UBAC2: variants seen among roughly 807,000 people sequenced by gnomAD.
UBAC2 encodes the protein ubiquitin-associated domain-containing protein 2.
Under a neutral mutation model 44.0 loss-of-function variants are expected in UBAC2, and 26 were observed. That is an observed-to-expected ratio of 0.59 (90% confidence interval 0.43 to 0.82). The LOEUF is 0.82. UBAC2 is among the 40% of genes least tolerant of loss of function. The pLI, the probability that UBAC2 is intolerant of heterozygous loss-of-function variation, is 0.00. For missense variants in UBAC2, 329 were observed against 419.4 expected, an observed-to-expected ratio of 0.78 and a Z score of 1.88; for synonymous variants, 155 against 154.3, an observed-to-expected ratio of 1.00 and a Z score of -0.04.
intron 4 of UBAC2, among the ~76,000 whole-genome samples, chr13:99,260,464 A>C (rs973422515): frequency 6.6e-6 from 1 of 152,192 alleles, no homozygotes; most frequent in African/African-American, 2.4e-5. Flanking sequence ...AGGCAGGGAC[A>C]CTTTGACCAG....
At chr13:99,264,042 A>G (rs917279261) in intron 4 of UBAC2, among the ~76,000 whole-genome samples, 4 of 152,202 alleles carry the variant, frequency 2.6e-5, no homozygotes, top group African/African-American at 9.7e-5. Context: ...TCTGTATGGC[A>G]GGATCCTGGA....
At chr13:99,294,832 G>A (rs1448042109) in intron 4 of UBAC2, 11 of 394,290 alleles carry the variant, frequency 2.8e-5, no homozygotes, top group South Asian at 5.0e-5. Flanking sequence ...TGGTGTATTC[G>A]TTTACAAATA....
chr13:99,215,273 A>G (rs2042978623), intron 1 of UBAC2: 1 of 694,488 alleles, frequency 1.4e-6, no homozygotes. Flanking sequence ...AAAAGACAAA[A>G]TTGTGTTTTT....
chr13:99,311,471 C>G (rs1566497150), intron 4 of UBAC2, among the ~76,000 whole-genome samples: 4 of 152,148 alleles, frequency 2.6e-5, no homozygotes. Context: ...CATACTTTTC[C>G]ATGAAAAGAA....
intron 7 of UBAC2, among the ~76,000 whole-genome samples, chr13:99,344,032 C>T (rs1024891532): frequency 5.3e-5 from 8 of 152,188 alleles, no homozygotes; most frequent in African/African-American, 1.7e-4. Context: ...AGCTTAGGTC[C>T]TGTCTCTCTT....
At chr13:99,280,537 G>C (rs1028852658) in intron 4 of UBAC2, among the ~76,000 whole-genome samples, 7 of 152,094 alleles carry the variant, frequency 4.6e-5, no homozygotes, top group Non-Finnish European at 8.8e-5. Context: ...AGTTAACTTT[G>C]TGCTTGTAAG....
chr13:99,249,587 C>T (rs2043432996), intron 4 of UBAC2, among the ~76,000 whole-genome samples: 1 of 152,108 alleles, frequency 6.6e-6, no homozygotes, highest in African/African-American at 2.4e-5. Context: ...GAATGGTAGT[C>T]CTGTTTTAAG....
intron 4 of UBAC2, among the ~76,000 whole-genome samples, chr13:99,297,731 A>G (rs1292775948): frequency 6.6e-6 from 1 of 152,162 alleles, no homozygotes; most frequent in African/African-American, 2.4e-5. Flanking sequence ...AGAAAACACA[A>G]GAGGGTAGGG....
chr13:99,332,720 G>A (rs1029121238), intron 6 of UBAC2, among the ~76,000 whole-genome samples: 1 of 152,052 alleles, frequency 6.6e-6, no homozygotes, highest in African/African-American at 2.4e-5. Flanking sequence ...TTATCTGATC[G>A]TCCTGCACTG....
intron 6 of UBAC2, among the ~76,000 whole-genome samples, chr13:99,339,769 A>T (rs2044855808): frequency 6.6e-6 from 1 of 152,248 alleles, no homozygotes; most frequent in Non-Finnish European, 1.5e-5. Context: ...TATAAATGGA[A>T]CTAATATTGG....
At chr13:99,281,225 C>G (rs961559287) in intron 4 of UBAC2, among the ~76,000 whole-genome samples, 1 of 151,066 alleles carries the variant, frequency 6.6e-6, no homozygotes, top group African/African-American at 2.4e-5. Context: ...AAAAAAACAA[C>G]AGCAACAACA....
At chr13:99,258,262 C>T (rs1194983531) in intron 4 of UBAC2, 1 of 152,198 alleles carries the variant, frequency 6.6e-6, no homozygotes, top group Non-Finnish European at 1.5e-5. Flanking sequence ...TTTCTGGAAA[C>T]AGTGTATTTA....
chr13:99,259,652 GT>G (rs1437930784), intron 4 of UBAC2, among the ~76,000 whole-genome samples: 2 of 152,116 alleles, frequency 1.3e-5, no homozygotes, highest in African/African-American at 4.8e-5. Context: ...ACATTCATCA[GT>G]TTTTTATATG....
intron 1 of UBAC2, among the ~76,000 whole-genome samples, chr13:99,232,421 T>TATATATATATATATA (rs61314371): frequency 3.4e-4 from 47 of 139,740 alleles, no homozygotes; most frequent in South Asian, 4.4e-4. Context: ...TATATATATA[T>TATATATATATATATA]TCACACACAC....
chr13:99,362,071 A>G (rs2045272729), intron 7 of UBAC2, among the ~76,000 whole-genome samples: 1 of 152,176 alleles, frequency 6.6e-6, no homozygotes, highest in African/African-American at 2.4e-5. Flanking sequence ...TGTAAATAGT[A>G]TTACATTTTA....
At chr13:99,259,003 C>T (rs113052273) in intron 4 of UBAC2, among the ~76,000 whole-genome samples, 11 of 152,134 alleles carry the variant, frequency 7.2e-5, no homozygotes, top group Admixed American at 6.6e-4. Context: ...TTTTCTAGTG[C>T]GTGGAAGTCT....
chr13:99,370,347 A>G (rs1437906095), intron 8 of UBAC2, among the ~76,000 whole-genome samples: 1 of 152,226 alleles, frequency 6.6e-6, no homozygotes, highest in East Asian at 1.9e-4. Context: ...GAATCTGGTT[A>G]AGGAGGAATC....
At chr13:99,344,034 G>A (rs36110013) in intron 7 of UBAC2, among the ~76,000 whole-genome samples, 13,861 of 152,202 alleles carry the variant, frequency 0.091, 726 homozygotes, top group Middle Eastern at 0.13. Context: ...CTTAGGTCCT[G>A]TCTCTCTTGC....
intron 1 of UBAC2, among the ~76,000 whole-genome samples, chr13:99,235,724 T>C (rs537397423): frequency 6.6e-6 from 1 of 152,290 alleles, no homozygotes; most frequent in East Asian, 1.9e-4. Flanking sequence ...CCTATCATCC[T>C]AACCCTTTGG....
Sources: gnomAD v4.1 joint callset for allele counts (sites outside exome capture counted in the v4.1 genomes callset) on GRCh38, gnomAD v4.1.1 for gene constraint, MANE v1.5 for transcripts, NCBI Gene and HGNC (gene_info 2026-07-23, HGNC 2026-07-21) for gene names.